Variants in FBXL2 observed in about 807,000 individuals in gnomAD.
FBXL2 encodes the protein F-box/LRR-repeat protein 2.
FBXL2 carries 38 observed loss-of-function variants against 69.2 expected under a neutral mutation model. The observed-to-expected ratio is 0.55, with a 90% CI of 0.42 to 0.72. The LOEUF (loss-of-function observed/expected upper bound fraction) is 0.72. FBXL2 is among the 30% of genes least tolerant of loss of function. FBXL2 has a pLI of 0.00. For synonymous variants in FBXL2, 192 were observed against 201.3 expected (o/e 0.95, Z 0.39); for missense variants, 354 against 520.3 (o/e 0.68, Z 3.11).
At chr3:33,353,846 C>G (rs2041001990) in intron 2 of FBXL2, among the ~76,000 whole-genome samples, 1 of 152,036 alleles carries the variant, frequency 6.6e-6, no homozygotes, top group African/African-American at 2.4e-5. Flanking sequence ...CATGATCATA[C>G]CACCATACTC....
chr3:33,340,595 AAAAAG>A (rs1462339875), intron 2 of FBXL2, among the ~76,000 whole-genome samples: 15 of 151,050 alleles, frequency 9.9e-5, no homozygotes, highest in African/African-American at 3.4e-4. Context: ...AAAAAAAAAA[AAAAAG>A]AAGGAAGTAG....
chr3:33,335,551 A>G (rs547283231), intron 2 of FBXL2, among the ~76,000 whole-genome samples: 1 of 152,186 alleles, frequency 6.6e-6, no homozygotes, highest in Non-Finnish European at 1.5e-5. Context: ...AAAAATAAAA[A>G]TTTAGAAAGA....
chr3:33,336,549 T>C (rs2039593598), intron 2 of FBXL2, among the ~76,000 whole-genome samples: 1 of 152,210 alleles, frequency 6.6e-6, no homozygotes, highest in Non-Finnish European at 1.5e-5. Flanking sequence ...CAACATGACA[T>C]ACTGTATCTT....
intron 2 of FBXL2, among the ~76,000 whole-genome samples, chr3:33,339,851 C>T (rs2125851896): frequency 6.6e-6 from 1 of 152,290 alleles, no homozygotes; most frequent in South Asian, 2.1e-4. Flanking sequence ...CAGTTTTGCT[C>T]ATAATAGCTA....
At chr3:33,354,852 CAGAA>C (rs1292831628) in intron 2 of FBXL2, among the ~76,000 whole-genome samples, 2 of 152,138 alleles carry the variant, frequency 1.3e-5, no homozygotes, top group Admixed American at 6.5e-5. Context: ...TGTGGAAAAT[CAGAA>C]TGAATGGACA....
chr3:33,314,308 C>T (rs2037476769), intron 2 of FBXL2, among the ~76,000 whole-genome samples: 1 of 152,110 alleles, frequency 6.6e-6, no homozygotes. Context: ...TACCGTTTGA[C>T]CAACATCTCC....
chr3:33,401,846 C>T (rs1278884490), intron 12 of FBXL2, among the ~76,000 whole-genome samples: 2 of 152,058 alleles, frequency 1.3e-5, no homozygotes, highest in Non-Finnish European at 2.9e-5. Context: ...TTATTCAGAC[C>T]GGACTGACTG....
intron 5 of FBXL2, chr3:33,372,680 G>A (rs2042370136): frequency 4.3e-6 from 1 of 231,286 alleles, no homozygotes; most frequent in South Asian, 7.8e-5. Context: ...TCTAGGGTAA[G>A]CAAGTGACAG....
At chr3:33,310,048 C>A (rs1357112213) in intron 2 of FBXL2, among the ~76,000 whole-genome samples, 1 of 152,108 alleles carries the variant, frequency 6.6e-6, no homozygotes, top group Non-Finnish European at 1.5e-5. Context: ...TTTCTTTCCT[C>A]CCCTTGACAT....
At chr3:33,381,630 AAAAT>A (rs1474838131) in intron 13 of FBXL2, among the ~76,000 whole-genome samples, 1 of 145,164 alleles carries the variant, frequency 6.9e-6, no homozygotes. Context: ...ATCTCAAAAA[AAAAT>A]AAATAAAAAT....
the FBXL2 span, chr3:33,411,828 C>G: frequency 4.5e-6 from 3 of 664,300 alleles, no homozygotes; most frequent in East Asian, 8.3e-5. Flanking sequence ...TCAACTTCTT[C>G]AACATCGAAA....
chr3:33,397,301 G>A, intron 12 of FBXL2: 1 of 497,794 alleles, frequency 2.0e-6, no homozygotes, highest in Non-Finnish European at 3.4e-6. Context: ...CTGTCCTTCA[G>A]AGCCAAGGAA....
At chr3:33,359,962 A>C (rs1402908105) in intron 4 of FBXL2, among the ~76,000 whole-genome samples, 2 of 152,214 alleles carry the variant, frequency 1.3e-5, no homozygotes, top group Non-Finnish European at 2.9e-5. Flanking sequence ...AGTTTATGTT[A>C]AAACAACTTT....
At chr3:33,325,763 AGT>A (rs948890733) in intron 2 of FBXL2, among the ~76,000 whole-genome samples, 5 of 152,180 alleles carry the variant, frequency 3.3e-5, no homozygotes, top group Admixed American at 6.5e-5. Context: ...TTTGATTTAT[AGT>A]GTGTTTTATT....
At chr3:33,331,512 G>T (rs1269183831) in intron 2 of FBXL2, among the ~76,000 whole-genome samples, 2 of 152,072 alleles carry the variant, frequency 1.3e-5, no homozygotes, top group Non-Finnish European at 2.9e-5. Context: ...TTCTTCTCAG[G>T]GCTCTGGGTG....
Position 33,315,207 on chromosome 3 carries a change from T to C in FBXL2, c.65+17482T>C, listed in dbSNP as rs927492215. Among the ~76,000 whole-genome samples the C allele has an allele frequency of 2.0e-5, 3 of 151,974 alleles. No homozygotes were observed. The East Asian group carries it at 5.8e-4, about 29-fold the overall frequency. ...TCTTTCCTTTCTTTTCTTTTCTTTT[T>C]CTTTCTCCTTTCCTTTCCTTTTTTT... is the stretch of plus-strand genomic sequence containing the variant. On this transcript the variant is annotated intron_variant, in intron 2 of 14. Coordinates refer to ENST00000484457, the MANE Select transcript of FBXL2 (RefSeq NM_012157.5).
rs749797459 is a variant in FBXL2 at position 33,377,378 on chromosome 3, C to A, written c.849+45C>A. The A allele has an allele frequency of 1.9e-6, 3 of 1,584,536 alleles. No individual in the cohort carries two copies. In the African/African-American group the frequency reaches 4.0e-5, roughly 21 times the overall value. The stretch of plus-strand genomic sequence containing the variant: ...AATACAACCAAACTCTAATTCACCT[C>A]CCGAATTCAAAGTGACTTGGAGTGG... On this transcript the variant is annotated intron_variant, in intron 11 of 14. Transcript: ENST00000484457.
intron 1 of FBXL2, among the ~76,000 whole-genome samples, chr3:33,282,068 A>G (rs1431960405): frequency 6.6e-6 from 1 of 152,060 alleles, no homozygotes; most frequent in Non-Finnish European, 1.5e-5. Flanking sequence ...CCATTTGTCA[A>G]TTTTGGCTTT....
chr3:33,311,869 C>T (rs528608648), intron 2 of FBXL2, among the ~76,000 whole-genome samples: 7 of 152,224 alleles, frequency 4.6e-5, no homozygotes, highest in South Asian at 4.1e-4. Flanking sequence ...CATGATCCCT[C>T]GCCTTGGCCT....
Sources: allele counts gnomAD v4.1 joint callset (sites outside exome capture counted in the v4.1 genomes callset), GRCh38; gene constraint gnomAD v4.1.1; transcripts MANE v1.5; gene names NCBI Gene and HGNC (gene_info 2026-07-23, HGNC 2026-07-21).